The following CHODL variants were observed in gnomAD, a reference collection of about 807,000 sequenced individuals.
The protein encoded by CHODL is transmembrane protein MT75.
A neutral mutation model predicts 34.5 loss-of-function variants in CHODL; 29 were observed. That is an observed-to-expected ratio of 0.84 (90% CI 0.63 to 1.15). CHODL has a LOEUF of 1.15. CHODL is among the 50% of genes most tolerant of loss of function. The pLI, the probability that CHODL is intolerant of heterozygous loss-of-function variation, is 0.00. For synonymous variants in CHODL, 125 were observed against 116.1 expected (o/e 1.08, Z -0.49); for missense variants, 332 against 332.5 (o/e 1.00, Z 0.01).
At chr21:18,207,246 G>A (rs2073722721) in intron 2 of CHODL, among the ~76,000 whole-genome samples, 1 of 151,966 alleles carries the variant, frequency 6.6e-6, no homozygotes, top group Non-Finnish European at 1.5e-5. Context: ...AGTATTTCAT[G>A]GTGTATGTGT....
chr21:18,021,855 A>G (rs1385201284), intron 1 of CHODL, among the ~76,000 whole-genome samples: 1 of 152,224 alleles, frequency 6.6e-6, no homozygotes, highest in Non-Finnish European at 1.5e-5. Context: ...TTGTGTTCCT[A>G]AAACATCACT....
At chr21:18,031,592 A>G (rs923254692) in intron 2 of CHODL, among the ~76,000 whole-genome samples, 1 of 152,000 alleles carries the variant, frequency 6.6e-6, no homozygotes, top group African/African-American at 2.4e-5. Flanking sequence ...GGCTTTGGAG[A>G]TTGTTCTCTG....
intron 1 of CHODL, among the ~76,000 whole-genome samples, chr21:17,981,188 C>A (rs1173667613): frequency 6.6e-6 from 1 of 152,050 alleles, no homozygotes; most frequent in African/African-American, 2.4e-5. Flanking sequence ...TTTAAAAAAA[C>A]CTGTTTAGAG....
At chr21:18,246,713 A>T (rs534552595) in intron 1 of CHODL, among the ~76,000 whole-genome samples, 2 of 152,208 alleles carry the variant, frequency 1.3e-5, no homozygotes, top group Admixed American at 6.6e-5. Flanking sequence ...TTTTTTACTC[A>T]TTGACCTAAA....
chr21:18,126,431 G>A (rs2065545285), intron 2 of CHODL, among the ~76,000 whole-genome samples: 2 of 152,068 alleles, frequency 1.3e-5, no homozygotes, highest in African/African-American at 2.4e-5. Context: ...TTGCTTTATT[G>A]CTATATTCAC....
intron 1 of CHODL, among the ~76,000 whole-genome samples, chr21:18,251,567 T>TTTTA (rs2074248472): frequency 1.4e-4 from 2 of 14,764 alleles, no homozygotes; most frequent in African/African-American, 4.8e-4. Flanking sequence ...ATTTTATTTA[T>TTTTA]TTATTTTAAT....
chr21:18,238,933 A>T (rs981344719), intron 2 of CHODL, among the ~76,000 whole-genome samples: 2 of 152,188 alleles, frequency 1.3e-5, no homozygotes, highest in Non-Finnish European at 2.9e-5. Context: ...TGACTAAGAC[A>T]TTCATGATAA....
intron 1 of CHODL, among the ~76,000 whole-genome samples, chr21:17,923,004 G>C (rs2063194452): frequency 6.6e-6 from 1 of 152,160 alleles, no homozygotes; most frequent in Non-Finnish European, 1.5e-5. Flanking sequence ...ACTTCAAGCA[G>C]GGAGGGGACT....
intron 2 of CHODL, among the ~76,000 whole-genome samples, chr21:18,122,698 C>T (rs1174177796): frequency 6.6e-6 from 1 of 152,094 alleles, no homozygotes; most frequent in Non-Finnish European, 1.5e-5. Flanking sequence ...AAAGATAATA[C>T]ATGTAGATTA....
In CHODL at chr21:18,256,786, C is replaced by G; in HGVS notation, c.357C>G (p.Tyr119Ter). The G allele has an allele frequency of 6.2e-7, 1 of 1,613,946 alleles. No homozygotes were observed. Among genetic ancestry groups the G allele is most frequent in the Non-Finnish European group, 8.5e-7 (1 of 1,179,900 alleles). ...CATCTGGTGCCTGCCCAGATCTCTA[C>G]CAGTGGTCTGATGGAAGCAATTCCC... ...GQTSGACPDL[Y>*]QWSDGSNSQY... Residue 119 changes from tyrosine to a stop codon, truncating the protein, a stop_gained, in exon 2 of 6, where the codon TAC becomes TAG. Coordinates refer to ENST00000299295, the MANE Select transcript of CHODL (RefSeq NM_024944.3). LOFTEE classifies it high-confidence loss of function.
At chr21:18,169,619 A>G (rs976187488) in intron 2 of CHODL, among the ~76,000 whole-genome samples, 7 of 151,910 alleles carry the variant, frequency 4.6e-5, no homozygotes, top group African/African-American at 1.7e-4. Flanking sequence ...TTTCTGCTGT[A>G]ATCTTTACTT....
At chr21:17,986,599 A>G (rs749402122) in intron 1 of CHODL, among the ~76,000 whole-genome samples, 5 of 152,176 alleles carry the variant, frequency 3.3e-5, no homozygotes, top group East Asian at 1.9e-4. Context: ...AGTCTTTGCT[A>G]TTGTGAATAG....
intron 1 of CHODL, among the ~76,000 whole-genome samples, chr21:18,017,417 T>G (rs1448813750): frequency 6.6e-6 from 1 of 152,212 alleles, no homozygotes; most frequent in African/African-American, 2.4e-5. Flanking sequence ...CATGTGAAGA[T>G]GTGCTTGCTT....
intron 2 of CHODL, among the ~76,000 whole-genome samples, chr21:18,165,986 G>T (rs1006906926): frequency 3.9e-5 from 6 of 152,148 alleles, no homozygotes; most frequent in African/African-American, 1.4e-4. Flanking sequence ...AATTTATTCT[G>T]TGGTTTCTGT....
rs2073560523 is a variant in CHODL, at chr21:18,194,639, TA to T, written c.-44-61865del. Reference sequence around the variant, plus strand: ...AAAAAACTAATGCGTATTTGACAAATAAAAATTGTATGCATGTATTTACAGT... The same window carrying T: ...AAAAAACTAATGCGTATTTGACAAATAAAATTGTATGCATGTATTTACAGT... On this transcript the variant is annotated intron_variant, in intron 2 of 6. Coordinates refer to the CHODL transcript ENST00000400127. Among the ~76,000 whole-genome samples, 10 of 151,294 alleles carry T rather than the reference TA, an allele frequency of 6.6e-5. 1 individual carries two copies. In the South Asian group the frequency reaches 2.1e-3, roughly 32 times the overall value.
chr21:18,256,660 G>C lies in CHODL; in HGVS notation c.231G>C (p.Gln77His). 6.2e-7 allele frequency: 1 copy of C among 1,614,084 alleles called. No individual in the cohort carries two copies. Among genetic ancestry groups the C allele is most frequent in the Non-Finnish European group, 8.5e-7 (1 of 1,179,994 alleles). The change falls in exon 2 of 6, where the codon CAG becomes CAC. Residue 77 changes from glutamine (Q) to histidine (H), a missense_variant. Physicochemically the swap from Gln to His is conservative, Grantham distance 24. Coordinates refer to ENST00000299295, the MANE Select transcript of CHODL (RefSeq NM_024944.3). Reference protein sequence around the residue: ...VLLSLENEAEQKLIESMLQNL... With the variant: ...VLLSLENEAEHKLIESMLQNL... ...TCAGCCTTGAGAATGAAGCAGAACA[G>C]AAGTTAATAGAGAGCATGTTGCAAA...
chr21:17,928,172 T>A (rs1211321873), intron 1 of CHODL, among the ~76,000 whole-genome samples: 2 of 152,240 alleles, frequency 1.3e-5, no homozygotes, highest in African/African-American at 4.8e-5. Flanking sequence ...CACTTATTCT[T>A]TGCAAATCCC....
chr21:18,124,637 A>G (rs2065520404), intron 2 of CHODL, among the ~76,000 whole-genome samples: 1 of 152,094 alleles, frequency 6.6e-6, no homozygotes, highest in Non-Finnish European at 1.5e-5. Context: ...ACTATCAAAC[A>G]AGTCATTGAC....
intron 2 of CHODL, among the ~76,000 whole-genome samples, chr21:18,084,677 A>G (rs1195634650): frequency 5.9e-5 from 9 of 152,200 alleles, no homozygotes; most frequent in Admixed American, 5.2e-4. Flanking sequence ...GACTTGTTTT[A>G]TGGCCTAATA....
Sources: allele counts gnomAD v4.1 joint callset (sites outside exome capture counted in the v4.1 genomes callset), GRCh38; gene constraint gnomAD v4.1.1; transcripts MANE v1.5; gene names NCBI Gene and HGNC (gene_info 2026-07-23, HGNC 2026-07-21).